FHIT: variants seen among roughly 807,000 people sequenced by gnomAD.
FHIT encodes the protein bis(5'-adenosyl)-triphosphatase.
Under a neutral mutation model 17.9 loss-of-function variants are expected in FHIT, and 19 were observed. The ratio of observed to expected loss-of-function variants is 1.06; its 90% CI spans 0.74 to 1.56. The LOEUF is 1.56. FHIT is among the 40% of genes most tolerant of loss of function. The pLI, the probability that FHIT is intolerant of heterozygous loss-of-function variation, is 0.00. For synonymous variants in FHIT, 81 were observed against 69.7 expected (o/e 1.16, Z -0.81); for missense variants, 248 against 189.2 (o/e 1.31, Z -1.82).
chr3:60,523,166 A>G (rs972993815), intron 5 of FHIT, among the ~76,000 whole-genome samples: 11 of 152,172 alleles, frequency 7.2e-5, no homozygotes, highest in Non-Finnish European at 1.3e-4. Context: ...CGTGGGAATT[A>G]TGGGAGCTAT....
chr3:60,641,169 A>G (rs1469334241), intron 4 of FHIT, among the ~76,000 whole-genome samples: 1 of 152,156 alleles, frequency 6.6e-6, no homozygotes, highest in Non-Finnish European at 1.5e-5. Context: ...AACAGGAGTG[A>G]AACTCTGTCT....
At chr3:60,929,141 A>G (rs1347837402) in intron 3 of FHIT, among the ~76,000 whole-genome samples, 1 of 152,244 alleles carries the variant, frequency 6.6e-6, no homozygotes, top group Non-Finnish European at 1.5e-5. Flanking sequence ...AGATGCAGAA[A>G]AGACCTTTGA....
At chr3:60,714,022 C>A (rs1283589390) in intron 4 of FHIT, among the ~76,000 whole-genome samples, 11 of 152,046 alleles carry the variant, frequency 7.2e-5, no homozygotes, top group Non-Finnish European at 1.5e-4. Context: ...AACATTGATG[C>A]AAAAATCCTC....
chr3:60,380,865 T>A (rs1381238608), intron 5 of FHIT, among the ~76,000 whole-genome samples: 1 of 152,224 alleles, frequency 6.6e-6, no homozygotes, highest in Admixed American at 6.5e-5. Flanking sequence ...TCAACATGAC[T>A]AGAGGCTTTA....
chr3:60,362,128 A>AAT (rs1699931394), intron 5 of FHIT, among the ~76,000 whole-genome samples: 1 of 152,168 alleles, frequency 6.6e-6, no homozygotes, highest in South Asian at 2.1e-4. Flanking sequence ...GATGTTATAG[A>AAT]ATATATATAG....
At chr3:60,560,100 C>G (rs368489746) in intron 4 of FHIT, among the ~76,000 whole-genome samples, 4 of 152,052 alleles carry the variant, frequency 2.6e-5, no homozygotes, top group African/African-American at 7.2e-5. Context: ...TGCACAGTTT[C>G]TAAGTACACA....
intron 5 of FHIT, among the ~76,000 whole-genome samples, chr3:60,295,692 A>G (rs910019921): frequency 3.3e-5 from 5 of 152,142 alleles, no homozygotes; most frequent in Non-Finnish European, 7.4e-5. Flanking sequence ...GTTGTAAGGC[A>G]GTTATATGTT....
rs148276824 is a variant in FHIT, at chr3:60,912,092, G to C, written c.-110-90081C>G. 3.3e-5 allele frequency among the ~76,000 whole-genome samples: 5 copies of C among 151,806 alleles called. No individual in the cohort carries two copies. In the East Asian group the frequency reaches 9.7e-4, roughly 29 times the overall value. ...ACACACGTACACACACATATTTCAG[G>C]TACCTCTGTCAGGATCTCCCAACTC... is the stretch of plus-strand genomic sequence containing the variant. On this transcript the variant is annotated intron_variant, in intron 3 of 9. Transcript: ENST00000492590.
chr3:61,096,979 T>C (rs2035659030), intron 2 of FHIT, among the ~76,000 whole-genome samples: 1 of 149,676 alleles, frequency 6.7e-6, no homozygotes, highest in Non-Finnish European at 1.5e-5. Context: ...CGCCGAAGGC[T>C]GAGGCAGGAG....
intron 4 of FHIT, among the ~76,000 whole-genome samples, chr3:60,737,435 T>C (rs1289008690): frequency 1.3e-5 from 2 of 152,260 alleles, no homozygotes; most frequent in Non-Finnish European, 2.9e-5. Flanking sequence ...AAGGCCACTG[T>C]TCAAATTCCG....
intron 4 of FHIT, among the ~76,000 whole-genome samples, chr3:60,712,589 A>C (rs550261589): frequency 2.6e-4 from 39 of 152,244 alleles, no homozygotes; most frequent in Non-Finnish European, 5.0e-4. Context: ...AAGATCTACC[A>C]AGCAAATGGA....
chr3:60,209,241 T>G (rs1431622792), intron 5 of FHIT, among the ~76,000 whole-genome samples: 2 of 152,138 alleles, frequency 1.3e-5, no homozygotes, highest in East Asian at 3.8e-4. Context: ...CTTGGTTTAT[T>G]TAGTTTAGTA....
chr3:60,276,948 C>A (rs1707170793), intron 5 of FHIT, among the ~76,000 whole-genome samples: 1 of 152,112 alleles, frequency 6.6e-6, no homozygotes, highest in Non-Finnish European at 1.5e-5. Context: ...CCTCATGTCC[C>A]AAACACCTCC....
chr3:61,118,662 G>A (rs988303360), intron 2 of FHIT, among the ~76,000 whole-genome samples: 1 of 152,098 alleles, frequency 6.6e-6, no homozygotes, highest in African/African-American at 2.4e-5. Flanking sequence ...TTGTAACTTT[G>A]AGCATGTAAC....
At chr3:60,592,938 T>C (rs929093471) in intron 4 of FHIT, among the ~76,000 whole-genome samples, 8 of 152,056 alleles carry the variant, frequency 5.3e-5, no homozygotes, top group African/African-American at 1.9e-4. Flanking sequence ...GTCTTGATGG[T>C]TATAGCAAAG....
chr3:60,367,729 T>A lies in FHIT; in HGVS notation c.103+169131A>T, dbSNP rs183446386. Reference sequence around the variant, plus strand: ...TATAGAGGTTTTACAGTGGATGAATTTTAACAAATGTATACACACATACAA... The same window carrying A: ...TATAGAGGTTTTACAGTGGATGAATATTAACAAATGTATACACACATACAA... On this transcript the variant is annotated intron_variant, in intron 5 of 9. Coordinates refer to ENST00000492590, the MANE Select transcript of FHIT (RefSeq NM_002012.4). Among the ~76,000 whole-genome samples the A allele has an allele frequency of 5.0e-3, 758 of 152,260 alleles. 2 individuals are homozygous for A. The highest frequency in any genetic ancestry group is 8.4e-3 in the Non-Finnish European group (570 of 68,010).
intron 4 of FHIT, among the ~76,000 whole-genome samples, chr3:60,720,539 C>A (rs1034612351): frequency 6.6e-6 from 1 of 152,158 alleles, no homozygotes; most frequent in Admixed American, 6.5e-5. Flanking sequence ...TTGCTAAAAA[C>A]TAGACCCCAA....
intron 7 of FHIT, among the ~76,000 whole-genome samples, chr3:60,000,454 C>T (rs954250593): frequency 6.6e-6 from 1 of 152,252 alleles, no homozygotes; most frequent in African/African-American, 2.4e-5. Context: ...GACCATCTGG[C>T]CCTCACAGCC....
intron 5 of FHIT, among the ~76,000 whole-genome samples, chr3:60,378,855 T>C (rs1700687702): frequency 6.6e-6 from 1 of 152,226 alleles, no homozygotes; most frequent in Non-Finnish European, 1.5e-5. Context: ...GAGGTTCATT[T>C]CATTATCATA....
Sources: gnomAD v4.1 joint callset for allele counts (sites outside exome capture counted in the v4.1 genomes callset) on GRCh38, gnomAD v4.1.1 for gene constraint, MANE v1.5 for transcripts, NCBI Gene and HGNC (gene_info 2026-07-23, HGNC 2026-07-21) for gene names.